The following GRID1 variants were observed in gnomAD, a reference collection of about 807,000 sequenced individuals.
The protein encoded by GRID1 is glutamate ionotropic receptor delta type subunit 1.
In GRID1, 28 loss-of-function variants were observed where a neutral mutation model predicts 98.0. The ratio of observed to expected loss-of-function variants is 0.29; its 90% confidence interval spans 0.21 to 0.39. The LOEUF is 0.39. GRID1 is among the 10% of genes least tolerant of loss of function. The pLI, the probability that GRID1 is intolerant of heterozygous loss-of-function variation, is 1.00. For synonymous variants in GRID1, 553 were observed against 538.5 expected, an observed-to-expected ratio of 1.03 and a Z score of -0.37; for missense variants, 1,111 against 1,340.5, an observed-to-expected ratio of 0.83 and a Z score of 2.67.
chr10:85,647,821 G>C (rs541285833), intron 12 of GRID1: 1 of 158,648 alleles, frequency 6.3e-6, no homozygotes, highest in Non-Finnish European at 1.4e-5. Context: ...TGCAGAGGCT[G>C]GGCAGGAAAG....
intron 2 of GRID1, among the ~76,000 whole-genome samples, chr10:86,207,052 G>C (rs761328653): frequency 6.6e-6 from 1 of 152,160 alleles, no homozygotes; most frequent in Non-Finnish European, 1.5e-5. Flanking sequence ...TCATTGTGTT[G>C]ATCTGTGCAT....
chr10:86,248,631 G>A (rs1188273968), intron 2 of GRID1, among the ~76,000 whole-genome samples: 6 of 145,464 alleles, frequency 4.1e-5, no homozygotes, highest in South Asian at 2.2e-4. Context: ...TGGCTGCAGC[G>A]GCACAATCTC....
At chr10:86,151,763 C>G (rs917288395) in intron 3 of GRID1, among the ~76,000 whole-genome samples, 2 of 152,188 alleles carry the variant, frequency 1.3e-5, no homozygotes, top group Admixed American at 6.5e-5. Flanking sequence ...CTGTCACCCA[C>G]CCACCCAATG....
intron 8 of GRID1, among the ~76,000 whole-genome samples, chr10:85,805,924 GT>G (rs976870823): frequency 1.1e-4 from 17 of 150,172 alleles, no homozygotes; most frequent in Non-Finnish European, 1.5e-4. Flanking sequence ...GATGGACAAA[GT>G]TTTTTTAATA....
At chr10:86,286,858 A>G (rs971857718) in intron 2 of GRID1, among the ~76,000 whole-genome samples, 1 of 152,216 alleles carries the variant, frequency 6.6e-6, no homozygotes, top group African/African-American at 2.4e-5. Flanking sequence ...AGAAAACCAG[A>G]GGAGCAGAAA....
intron 2 of GRID1, among the ~76,000 whole-genome samples, chr10:86,266,107 G>A (rs1346356589): frequency 6.6e-6 from 1 of 151,984 alleles, no homozygotes; most frequent in Non-Finnish European, 1.5e-5. Context: ...ACCCTGCTGG[G>A]GTAGTCACTG....
intron 2 of GRID1, among the ~76,000 whole-genome samples, chr10:86,306,048 G>A (rs1847754729): frequency 1.3e-5 from 2 of 152,166 alleles, no homozygotes; most frequent in African/African-American, 4.8e-5. Flanking sequence ...ACTTTTTCCT[G>A]CTGTCTCTCA....
At chr10:85,910,893 G>A (rs1327610760) in intron 5 of GRID1, among the ~76,000 whole-genome samples, 2 of 152,212 alleles carry the variant, frequency 1.3e-5, no homozygotes, top group East Asian at 1.9e-4. Flanking sequence ...TTAAGCAGAT[G>A]TCTGCAAGAA....
chr10:86,347,800 T>C (rs1413504647), intron 2 of GRID1, among the ~76,000 whole-genome samples: 1 of 152,364 alleles, frequency 6.6e-6, no homozygotes, highest in East Asian at 1.9e-4. Flanking sequence ...ATGATTATTA[T>C]GACTCACATG....
chr10:85,654,821 A>G (rs1840875838), intron 12 of GRID1, among the ~76,000 whole-genome samples: 1 of 152,176 alleles, frequency 6.6e-6, no homozygotes, highest in Admixed American at 6.6e-5. Flanking sequence ...CCTGGATTCA[A>G]CCCAGGCCTG....
chr10:86,281,044 T>C (rs1847350216), intron 2 of GRID1, among the ~76,000 whole-genome samples: 1 of 152,210 alleles, frequency 6.6e-6, no homozygotes, highest in Non-Finnish European at 1.5e-5. Context: ...TGGGACTTGT[T>C]CCTTGTCTAA....
chr10:86,139,977 A>G (rs529014065), intron 3 of GRID1, among the ~76,000 whole-genome samples: 16 of 152,232 alleles, frequency 1.1e-4, no homozygotes, highest in Non-Finnish European at 2.1e-4. Context: ...GCCCAGGAAC[A>G]GAGGCAGGCG....
chr10:85,886,622 T>C (rs762210413), intron 5 of GRID1, among the ~76,000 whole-genome samples: 2 of 152,188 alleles, frequency 1.3e-5, no homozygotes, highest in Admixed American at 6.5e-5. Flanking sequence ...AAATATTTCA[T>C]TGAAAACAGA....
intron 4 of GRID1, among the ~76,000 whole-genome samples, chr10:85,977,455 A>G (rs1842486908): frequency 6.6e-6 from 1 of 152,234 alleles, no homozygotes; most frequent in Admixed American, 6.5e-5. Context: ...CCAGCCACAC[A>G]AATACACCTC....
At chr10:85,652,542 G>C (rs150600093) in intron 12 of GRID1, among the ~76,000 whole-genome samples, 27 of 152,134 alleles carry the variant, frequency 1.8e-4, no homozygotes, top group African/African-American at 6.5e-4. Context: ...TATCCATCCT[G>C]GTGACTTGAA....
chr10:85,667,594 A>T (rs1474081872), intron 12 of GRID1, among the ~76,000 whole-genome samples: 1 of 152,198 alleles, frequency 6.6e-6, no homozygotes. Flanking sequence ...CGGATCCAGC[A>T]TGTGAGCACA....
At chr10:86,319,738 G>A (rs1847944935) in intron 2 of GRID1, among the ~76,000 whole-genome samples, 1 of 152,228 alleles carries the variant, frequency 6.6e-6, no homozygotes, top group East Asian at 1.9e-4. Flanking sequence ...TGCTGACGAG[G>A]ACAGGGAGCG....
At chr10:86,243,841 C>G (rs1466143114) in intron 2 of GRID1, among the ~76,000 whole-genome samples, 1 of 152,186 alleles carries the variant, frequency 6.6e-6, no homozygotes, top group Non-Finnish European at 1.5e-5. Context: ...GATGTCACGG[C>G]CGAGCAGGGG....
chr10:85,945,969 A>T (rs1203137467), intron 4 of GRID1, among the ~76,000 whole-genome samples: 2 of 152,256 alleles, frequency 1.3e-5, no homozygotes, highest in Non-Finnish European at 2.9e-5. Context: ...TTACTTTCTT[A>T]TGAATTGTTA....
Sources: allele counts gnomAD v4.1 joint callset (sites outside exome capture counted in the v4.1 genomes callset), GRCh38; gene constraint gnomAD v4.1.1; transcripts MANE v1.5; gene names NCBI Gene and HGNC (gene_info 2026-07-23, HGNC 2026-07-21).